Variants in KIF27 observed in about 807,000 individuals in gnomAD.
KIF27 encodes kinesin-like protein KIF27.
Under a neutral mutation model 141.8 loss-of-function variants are expected in KIF27, and 84 were observed. The observed-to-expected ratio is 0.59, with a 90% CI of 0.50 to 0.71. KIF27 has a LOEUF of 0.71. Ranked by LOEUF, KIF27 falls within the 30% of genes least tolerant of loss-of-function variation. The pLI is 0.00. For synonymous variants in KIF27, 471 were observed against 569.5 expected (o/e 0.83, Z 2.46); for missense variants, 1,306 against 1,628.4 (o/e 0.80, Z 3.41).
At chr9:83,908,407 T>C (rs780520874) in intron 3 of KIF27, 45 bp downstream of exon 3, 29 of 1,142,664 alleles carry the variant, frequency 2.5e-5, no homozygotes, top group Admixed American at 1.0e-4. Context: ...CATTAAAGCA[T>C]GTCTGTTTGC....
At chr9:83,903,015 T>C in intron 4 of KIF27, 45 bp downstream of exon 4, 1 of 1,210,252 alleles carries the variant, frequency 8.3e-7, no homozygotes, top group Non-Finnish European at 1.2e-6. Flanking sequence ...ATCTATTATG[T>C]ATCAATAAAA....
chr9:83,840,838 G>A (rs1008667753), intron 17 of KIF27, among the ~76,000 whole-genome samples: 20 of 152,068 alleles, frequency 1.3e-4, no homozygotes, highest in Admixed American at 3.9e-4. Flanking sequence ...TTTGTATCAC[G>A]TCTTTATCCT....
intron 5 of KIF27, among the ~76,000 whole-genome samples, chr9:83,897,856 C>A (rs574922160): frequency 6.6e-6 from 1 of 152,150 alleles, no homozygotes; most frequent in Admixed American, 6.5e-5. Flanking sequence ...AAATGCTCAA[C>A]CTCACTAGTC....
intron 2 of KIF27, among the ~76,000 whole-genome samples, chr9:83,909,152 T>C (rs1456243541): frequency 1.3e-5 from 2 of 152,128 alleles, no homozygotes; most frequent in Non-Finnish European, 2.9e-5. Context: ...AAAGAATAAC[T>C]GATAAGTGAA....
At chr9:83,918,327 G>GA (rs958925006) in intron 1 of KIF27, among the ~76,000 whole-genome samples, 2 of 144,018 alleles carry the variant, frequency 1.4e-5, no homozygotes, top group African/African-American at 2.6e-5. Flanking sequence ...GAGAAATGGG[G>GA]GGGGGGCAGG....
Position 83,903,644 on chromosome 9 carries a change from G to C in KIF27, c.874C>G (p.Pro292Ala). The change falls in exon 4 of 18, where the codon CCA becomes GCA. Residue 292 changes from proline to alanine, a missense_variant. Around this residue, in one of 4 missense-constraint regions of KIF27, gnomAD observed 533 missense variants for 565.6 expected, o/e 0.94. Coordinates refer to ENST00000297814, the MANE Select transcript of KIF27 (RefSeq NM_017576.4). Reference sequence around the variant, plus strand: ...CGGGTAATTTTAGCATCCCTATATGGAATATGTGAACTCTTCCTGCGTGGG... The same window carrying C: ...CGGGTAATTTTAGCATCCCTATATGCAATATGTGAACTCTTCCTGCGTGGG... ...GDPRRKSSHI[P>A]YRDAKITRLL... 1.9e-6 allele frequency: 3 copies of C among 1,614,078 alleles called. No individual in the cohort carries two copies. The highest frequency in any genetic ancestry group is 1.7e-6 in the Non-Finnish European group (2 of 1,180,000).
At chr9:83,894,288 A>G (rs1337080919) in intron 5 of KIF27, among the ~76,000 whole-genome samples, 1 of 152,250 alleles carries the variant, frequency 6.6e-6, no homozygotes, top group Non-Finnish European at 1.5e-5. Context: ...ACTATGAGAA[A>G]GAAAAATATA....
In KIF27 at chr9:83,903,765, T is replaced by C. The variant is rs771616748; in HGVS notation, c.753A>G (p.Val251=). The change falls in exon 4 of 18, where the codon GTA becomes GTG. Residue 251 remains valine, a synonymous_variant. Coordinates refer to ENST00000297814, the MANE Select transcript of KIF27 (RefSeq NM_017576.4). ...HFVDLAGSER[V]TKTGNTGERF... ...GTTCACCAGTATTCCCCGTTTTGGTTACTCTTTCTGATCCTGCCAAATCCA... is the reference window on the plus strand; with the variant it reads ...GTTCACCAGTATTCCCCGTTTTGGTCACTCTTTCTGATCCTGCCAAATCCA... 2.5e-6 allele frequency: 4 copies of C among 1,614,230 alleles called. No homozygotes were observed. Among genetic ancestry groups the C allele is most frequent in the African/African-American group, 2.7e-5 (2 of 75,062 alleles).
At chr9:83,875,868 G>A (rs891901084) in intron 11 of KIF27, among the ~76,000 whole-genome samples, 1 of 151,574 alleles carries the variant, frequency 6.6e-6, no homozygotes, top group Non-Finnish European at 1.5e-5. Flanking sequence ...GAAAGTAGAA[G>A]TAACAGAAAC....
At chr9:83,848,338 T>G (rs1395030291) in intron 16 of KIF27, among the ~76,000 whole-genome samples, 1 of 132,220 alleles carries the variant, frequency 7.6e-6, no homozygotes, top group Non-Finnish European at 1.5e-5. Context: ...TATCTATATA[T>G]ATCTATGTAT....
At chr9:83,878,842 G>C (rs1167244465) in intron 11 of KIF27, among the ~76,000 whole-genome samples, 2 of 151,914 alleles carry the variant, frequency 1.3e-5, no homozygotes, top group African/African-American at 4.8e-5. Flanking sequence ...GGTTGCACAA[G>C]ATTGTGAATG....
intron 3 of KIF27, among the ~76,000 whole-genome samples, chr9:83,906,704 C>T (rs2132640761): frequency 6.9e-6 from 1 of 144,850 alleles, no homozygotes; most frequent in Middle Eastern, 3.9e-3. Context: ...GATTATGCCA[C>T]TGCACTCCAG....
At chr9:83,872,301 G>A (rs1297473991) in intron 11 of KIF27, among the ~76,000 whole-genome samples, 1 of 152,128 alleles carries the variant, frequency 6.6e-6, no homozygotes, top group African/African-American at 2.4e-5. Flanking sequence ...GTGACAGAGT[G>A]AGACTCCGTC....
Sources: gnomAD v4.1 joint callset for allele counts (sites outside exome capture counted in the v4.1 genomes callset) on GRCh38, gnomAD v4.1.1 for gene constraint, gnomAD v4.1.1 regional missense constraint, MANE v1.5 for transcripts, NCBI Gene and HGNC (gene_info 2026-07-23, HGNC 2026-07-21) for gene names.